The following ZNF587B variants were observed in gnomAD, a reference collection of about 807,000 sequenced individuals.
The protein encoded by ZNF587B is zinc finger protein 587B.
ZNF587B carries 6 observed loss-of-function variants against 7.2 expected under a neutral mutation model. That is an observed-to-expected ratio of 0.83 (90% CI 0.46 to 1.65). The LOEUF is 1.65. ZNF587B is among the 40% of genes most tolerant of loss of function. ZNF587B has a pLI of 0.01. For synonymous variants in ZNF587B, 274 were observed against 254.3 expected (o/e 1.08, Z -0.74); for missense variants, 749 against 761.0 (o/e 0.98, Z 0.19).
rs1396712257 is a variant in ZNF587B at position 57,844,797 on chromosome 19, G to C, written c.*2221G>C. The C allele has an allele frequency of 6.6e-6, 1 of 152,042 alleles. No individual in the cohort carries two copies. The highest frequency in any genetic ancestry group is 1.5e-5 in the Non-Finnish European group (1 of 68,022). The allele number at this position is 152,042 out of a possible 1,614,324, so 9.4% of individuals were successfully genotyped here. ...TTATGAGGTATATTGCACTGTGCTC[G>C]GTACTGTTGAGGGAACTCTGTTCAG... On this transcript the variant is annotated 3_prime_UTR_variant, in exon 3 of 3. Coordinates refer to ENST00000594901, the MANE Select transcript of ZNF587B (RefSeq NM_001376223.1).
intron 1 of ZNF587B, among the ~76,000 whole-genome samples, chr19:57,831,641 G>A (rs1182650981): frequency 1.3e-5 from 2 of 151,992 alleles, no homozygotes; most frequent in Non-Finnish European, 2.9e-5. Context: ...TGATTCACCT[G>A]CCTCGGCCTC....
Position 57,841,664 on chromosome 19 carries a change from A to G in ZNF587B, c.990A>G (p.Glu330=), listed in dbSNP as rs1249847782. 1 of 1,604,406 alleles carries G rather than the reference A, an allele frequency of 6.2e-7. No homozygotes were observed. Among genetic ancestry groups the G allele is most frequent in the South Asian group, 1.1e-5 (1 of 90,056 alleles). ...HAGKGPYECG[E]CGKSFSSNVN... ...GAAAAGGGCCTTATGAGTGTGGAGA[A>G]TGTGGGAAATCTTTTAGTTCAAACG... The change falls in exon 3 of 3, where the codon GAA becomes GAG. Residue 330 remains glutamate (E), a synonymous_variant. Transcript: ENST00000594901.
At chr19:57,831,586 G>A (rs960905595) in intron 1 of ZNF587B, among the ~76,000 whole-genome samples, 7 of 152,062 alleles carry the variant, frequency 4.6e-5, no homozygotes, top group African/African-American at 1.7e-4. Context: ...TAGAGATGGA[G>A]TTTCTCCATG....
chr19:57,830,844 G>A (rs1988356239), intron 1 of ZNF587B, among the ~76,000 whole-genome samples: 1 of 152,098 alleles, frequency 6.6e-6, no homozygotes, highest in Non-Finnish European at 1.5e-5. Flanking sequence ...CAAGAGATGG[G>A]TAACGCTCAA....
chr19:57,836,960 TAAAA>T (rs71188052), intron 1 of ZNF587B, among the ~76,000 whole-genome samples: 43 of 106,230 alleles, frequency 4.0e-4, no homozygotes, highest in African/African-American at 5.2e-4. Context: ...GACTCCGTCA[TAAAA>T]AAAAAAAAAA....
At chr19:57,831,177 G>A (rs1295887330) in intron 1 of ZNF587B, among the ~76,000 whole-genome samples, 2 of 152,144 alleles carry the variant, frequency 1.3e-5, no homozygotes, top group African/African-American at 2.4e-5. Flanking sequence ...TGAGGAAGGG[G>A]CTGCCAGTGA....
chr19:57,840,918 C>T lies in ZNF587B; in HGVS notation c.244C>T (p.Pro82Ser), dbSNP rs1229546585. The T allele has an allele frequency of 1.3e-6, 2 of 1,572,194 alleles. No homozygotes were observed. The highest frequency in any genetic ancestry group is 1.7e-6 in the Non-Finnish European group (2 of 1,158,548). ...YIQRETQVRT[P>S]VTGVSPKKAH... is the part of the protein sequence containing the mutation. The stretch of plus-strand genomic sequence containing the variant: ...ACAAAGAGAGACTCAGGTCAGGACT[C>T]CTGTGACAGGTGTGTCTCCCAAGAA... Residue 82 changes from proline (P) to serine (S), a missense_variant, in exon 3 of 3, where the codon CCT (proline) becomes TCT (serine). Around this residue, in one of 3 missense-constraint regions of ZNF587B, gnomAD observed 72 missense variants for 147.8 expected, o/e 0.49. Transcript: ENST00000594901.
intron 2 of ZNF587B, among the ~76,000 whole-genome samples, chr19:57,840,075 C>CAAAAAAAAAAAAAAAAAA (rs774635301): frequency 3.7e-5 from 3 of 81,112 alleles, no homozygotes; most frequent in African/African-American, 1.3e-4. Flanking sequence ...ACTCTGTCTC[C>CAAAAAAAAAAAAAAAAAA]AAAAAAAAAA....
rs770269265 is a variant in ZNF587B, at chr19:57,842,469, G to C, written c.1795G>C (p.Val599Leu). 6.3e-7 allele frequency: 1 copy of C among 1,595,394 alleles called. No homozygotes were observed. The highest frequency in any genetic ancestry group is 1.1e-5 in the South Asian group (1 of 87,712). The change falls in exon 3 of 3, where the codon GTT becomes CTT. Residue 599 changes from valine (V) to leucine (L), a missense_variant. By Grantham distance (32) the Val-to-Leu change is conservative (BLOSUM62 1). Transcript: ENST00000594901. ...GISSLTNHRR[V>L]HTGEKPYGCS... Reference sequence around the variant, plus strand: ...CTCCAGTCTCACTAATCACAGGAGAGTTCACACTGGAGAAAAGCCTTATGG... The same window carrying C: ...CTCCAGTCTCACTAATCACAGGAGACTTCACACTGGAGAAAAGCCTTATGG...
chr19:57,841,878 C>G lies in ZNF587B; in HGVS notation c.1204C>G (p.Arg402Gly), dbSNP rs538668617. 1 of 1,613,370 alleles carries G rather than the reference C, an allele frequency of 6.2e-7. No homozygotes were observed. The highest frequency in any genetic ancestry group is 1.7e-5 in the Admixed American group (1 of 59,904). Residue 402 changes from arginine to glycine, a missense_variant, in exon 3 of 3, where the codon CGC becomes GGC. This residue lies in a region of ZNF587B where 656 missense variants were observed against 596.5 expected (regional missense o/e 1.10). Transcript: ENST00000594901. ...ISKGHLRIHQRMHTGERPYKC... is the reference protein window; with the variant it reads ...ISKGHLRIHQGMHTGERPYKC... ...AAAGGGGCACCTTAGGATCCATCAG[C>G]GCATGCACACTGGAGAAAGACCTTA...
Position 57,843,587 on chromosome 19 carries a change from G to GTTTTTTTTTTTTTTTTTT in ZNF587B, c.*1013_*1014insTTTTTTTTTTTTTTTTTT, listed in dbSNP as rs1324065807. 134 of 759,836 alleles carry GTTTTTTTTTTTTTTTTTT rather than the reference G, an allele frequency of 1.8e-4. 9 individuals carry two copies. The highest frequency in any genetic ancestry group is 7.9e-4 in the African/African-American group (22 of 27,740). The allele number at this position is 759,836 out of a possible 1,614,324, so 47.1% of individuals were successfully genotyped here. A position where few individuals can be genotyped will look rare whatever the true frequency, so the allele number is the denominator to read the frequency against. ...GTTTGGTTGGTTGGTTGGTTGGTTG[G>GTTTTTTTTTTTTTTTTTT]TTGTTTTTTTTTGTTTTTTTTTTTT... On this transcript the variant is annotated 3_prime_UTR_variant, in exon 3 of 3. Coordinates refer to ENST00000594901, the MANE Select transcript of ZNF587B (RefSeq NM_001376223.1).
Position 57,842,191 on chromosome 19 carries a change from A to C in ZNF587B, c.1517A>C (p.Lys506Thr). The change falls in exon 3 of 3, where the codon AAG (lysine) becomes ACG (threonine). Residue 506 changes from lysine (K) to threonine (T), a missense_variant. Physicochemically the swap from Lys to Thr is moderately conservative, Grantham distance 78 (BLOSUM62 -1). Coordinates refer to ENST00000594901, the MANE Select transcript of ZNF587B (RefSeq NM_001376223.1). ...CEACQKFFRHKCHLTAHQRVH... is the reference protein window; with the variant it reads ...CEACQKFFRHTCHLTAHQRVH... ...GCTTGTCAGAAATTTTTTAGGCACA[A>C]GTGCCACCTCACTGCACACCAGAGA... The C allele has an allele frequency of 1.2e-6, 2 of 1,613,272 alleles. No individual in the cohort carries two copies. Among genetic ancestry groups the C allele is most frequent in the Non-Finnish European group, 1.7e-6 (2 of 1,179,606 alleles).
In ZNF587B at chr19:57,842,598, T is replaced by G. The variant is rs756769027; in HGVS notation, c.*22T>G. 15 of 1,468,398 alleles carry G rather than the reference T, an allele frequency of 1.0e-5. No individual in the cohort carries two copies. In the Admixed American group the frequency reaches 3.6e-4, roughly 36 times the overall value. The allele number at this position is 1,468,398 out of a possible 1,614,324, so 91.0% of individuals were successfully genotyped here. A position where few individuals can be genotyped will look rare whatever the true frequency, so the allele number is the denominator to read the frequency against. On this transcript the variant is annotated 3_prime_UTR_variant, in exon 3 of 3. Transcript: ENST00000594901. ...ATGAGTGCAGAGAATGAGTCCAGTC[T>G]CATTAAATACAGGAGAGCACACACC...
intron 1 of ZNF587B, among the ~76,000 whole-genome samples, chr19:57,831,857 A>G (rs1988415214): frequency 6.6e-6 from 1 of 151,210 alleles, no homozygotes; most frequent in South Asian, 2.1e-4. Flanking sequence ...GACACCCGCC[A>G]CCATGCCCGG....
chr19:57,840,521 CCT>C (rs1481932706), intron 2 of ZNF587B, among the ~76,000 whole-genome samples: 1 of 152,122 alleles, frequency 6.6e-6, no homozygotes, highest in Non-Finnish European at 1.5e-5. Flanking sequence ...TGGACAAATC[CCT>C]CTCTACAGCA....
intron 1 of ZNF587B, among the ~76,000 whole-genome samples, chr19:57,837,354 T>C (rs1485915937): frequency 6.6e-6 from 1 of 152,012 alleles, no homozygotes; most frequent in Non-Finnish European, 1.5e-5. Context: ...CCTCCCTGGT[T>C]CAAGTGATTC....
intron 1 of ZNF587B, among the ~76,000 whole-genome samples, chr19:57,837,956 A>C (rs1988690299): frequency 6.6e-6 from 1 of 152,136 alleles, no homozygotes; most frequent in African/African-American, 2.4e-5. Flanking sequence ...TTTACCAAAA[A>C]TGTAACCCTA....
Position 57,830,387 on chromosome 19 carries a change from C to T in ZNF587B, c.-142C>T, listed in dbSNP as rs1988326535. Reference sequence around the variant, plus strand: ...AACCCAGAAGGCGGAGAACAGTTGTCCTCTGCTGCACAGAGGCGACTCTGG... The same window carrying T: ...AACCCAGAAGGCGGAGAACAGTTGTTCTCTGCTGCACAGAGGCGACTCTGG... On this transcript the variant is annotated 5_prime_UTR_variant, in exon 1 of 3. Transcript: ENST00000594901. 1 of 822,130 alleles carries T rather than the reference C, an allele frequency of 1.2e-6. No individual in the cohort carries two copies. Among genetic ancestry groups the T allele is most frequent in the South Asian group, 1.7e-5 (1 of 59,516 alleles). 50.9% of individuals were successfully genotyped at this position (822,130 alleles called of 1,614,324 possible). A position where few individuals can be genotyped will look rare whatever the true frequency, so the allele number is the denominator to read the frequency against.
intron 2 of ZNF587B, among the ~76,000 whole-genome samples, chr19:57,839,554 A>G (rs906633852): frequency 1.3e-5 from 2 of 152,184 alleles, no homozygotes; most frequent in Non-Finnish European, 2.9e-5. Flanking sequence ...TTCTTGCAAG[A>G]TCTTCTTTAG....
Sources: allele counts gnomAD v4.1 joint callset (sites outside exome capture counted in the v4.1 genomes callset), GRCh38; gene constraint gnomAD v4.1.1; regional missense constraint gnomAD v4.1.1; transcripts MANE v1.5; gene names NCBI Gene and HGNC (gene_info 2026-07-23, HGNC 2026-07-21).